Variants in EHBP1 observed in about 807,000 individuals in gnomAD.
The protein encoded by EHBP1 is EH domain-binding protein 1.
In EHBP1, 55 loss-of-function variants were observed where a neutral mutation model predicts 144.0. That is an observed-to-expected ratio of 0.38 (90% CI 0.31 to 0.48). EHBP1 has a LOEUF of 0.48. Among genes scored for constraint, EHBP1 ranks in the 20% least tolerant of loss-of-function variants. The pLI is 0.98. For missense variants in EHBP1, 1,200 were observed against 1,364.2 expected, an observed-to-expected ratio of 0.88 and a Z score of 1.90; for synonymous variants, 469 against 472.7, an observed-to-expected ratio of 0.99 and a Z score of 0.10.
At chr2:62,943,215 A>T (rs2056867502) in intron 11 of EHBP1, among the ~76,000 whole-genome samples, 1 of 152,090 alleles carries the variant, frequency 6.6e-6, no homozygotes, top group Non-Finnish European at 1.5e-5. Context: ...CGTCTCTACT[A>T]AAAATACAAA....
chr2:62,713,236 G>T lies in EHBP1; in HGVS notation c.104+5941G>T, dbSNP rs893105290. 5.3e-5 allele frequency among the ~76,000 whole-genome samples: 8 copies of T among 151,786 alleles called. No individual in the cohort carries two copies. The East Asian group carries it at 1.2e-3, about 22-fold the overall frequency. ...TGGGAGGAGAAACATTTAAGACAGG[G>T]AGTCAGGTGCTAAACTCTTTTTTTT... On this transcript the variant is annotated intron_variant, in intron 2 of 22. Transcript: ENST00000431489.
chr2:62,993,927 G>A lies in EHBP1; in HGVS notation c.2929G>A (p.Ala977Thr), dbSNP rs141717012. 1.3e-6 allele frequency: 2 copies of A among 1,591,392 alleles called. No individual in the cohort carries two copies. Among genetic ancestry groups the A allele is most frequent in the South Asian group, 1.1e-5 (1 of 87,452 alleles). ...EDTKKGNEEK[A>T]AITETQRKPS... ...TACAAAGAAAGGAAATGAGGAGAAG[G>A]CAGCGATAACTGAAACTCAGAGGAA... The change falls in exon 18 of 23, where the codon GCA (alanine) becomes ACA (threonine). Residue 977 changes from alanine (A) to threonine (T), a missense_variant. Physicochemically the swap from Ala to Thr is moderately conservative, Grantham distance 58. Coordinates refer to ENST00000431489, the MANE Select transcript of EHBP1 (RefSeq NM_001142616.3).
intron 7 of EHBP1, among the ~76,000 whole-genome samples, chr2:62,850,353 C>T (rs2048602164): frequency 6.6e-6 from 1 of 152,208 alleles, no homozygotes; most frequent in Non-Finnish European, 1.5e-5. Flanking sequence ...GCCACCTACT[C>T]GTCACTTGTC....
At chr2:62,864,451 G>A (rs919970243) in intron 8 of EHBP1, among the ~76,000 whole-genome samples, 1 of 152,132 alleles carries the variant, frequency 6.6e-6, no homozygotes, top group Non-Finnish European at 1.5e-5. Context: ...AATACTGTTA[G>A]ATACTGCAGA....
intron 1 of EHBP1, among the ~76,000 whole-genome samples, chr2:62,682,657 G>A (rs1274672732): frequency 6.6e-6 from 1 of 152,178 alleles, no homozygotes; most frequent in Non-Finnish European, 1.5e-5. Context: ...CAGACAGATG[G>A]TACCAGCACA....
At chr2:62,687,170 A>G (rs1572865326) in intron 1 of EHBP1, among the ~76,000 whole-genome samples, 1 of 152,326 alleles carries the variant, frequency 6.6e-6, no homozygotes, top group East Asian at 1.9e-4. Flanking sequence ...TGAATTAAAT[A>G]TTCTCTAAGA....
intron 10 of EHBP1, among the ~76,000 whole-genome samples, chr2:62,935,881 A>G (rs1326588149): frequency 6.6e-6 from 1 of 152,192 alleles, no homozygotes; most frequent in Non-Finnish European, 1.5e-5. Context: ...GCTCTTCTGC[A>G]TCTGTTTAGA....
Position 62,953,072 on chromosome 2 carries a change from G to T in EHBP1, c.2317-2445G>T, listed in dbSNP as rs1446522466. 3.3e-5 allele frequency among the ~76,000 whole-genome samples: 5 copies of T among 151,950 alleles called. No individual in the cohort carries two copies. The East Asian group carries it at 9.7e-4, about 30-fold the overall frequency. ...TGTCTCTACTAAAAATATGAAATTAGCCAGGGTGGTGGCACATGCCTGTAA... is the reference window on the plus strand; with the variant it reads ...TGTCTCTACTAAAAATATGAAATTATCCAGGGTGGTGGCACATGCCTGTAA... On this transcript the variant is annotated intron_variant, in intron 13 of 22. Transcript: ENST00000431489.
chr2:62,940,207 T>A, intron 10 of EHBP1: 1 of 326,684 alleles, frequency 3.1e-6, no homozygotes, highest in South Asian at 3.2e-5. Flanking sequence ...ACTTGCACAG[T>A]CCTTCTGAGA....
At chr2:62,733,891 A>G (rs954065143) in intron 2 of EHBP1, among the ~76,000 whole-genome samples, 1 of 152,132 alleles carries the variant, frequency 6.6e-6, no homozygotes, top group Admixed American at 6.5e-5. Context: ...GGTACTGTGG[A>G]GCATACTGGT....
At chr2:63,022,164 G>A (rs2060782128) in intron 19 of EHBP1, among the ~76,000 whole-genome samples, 2 of 152,146 alleles carry the variant, frequency 1.3e-5, no homozygotes, top group Admixed American at 1.3e-4. Context: ...AGACAGAGCT[G>A]TCCAACTGAA....
chr2:62,924,671 G>A (rs567878686), intron 10 of EHBP1, among the ~76,000 whole-genome samples: 20 of 152,126 alleles, frequency 1.3e-4, no homozygotes, highest in East Asian at 3.9e-4. Flanking sequence ...AGAAAACCTT[G>A]AATAGACCAA....
chr2:62,965,714 T>C lies in EHBP1; in HGVS notation c.2460+10054T>C, dbSNP rs1480229400. Among the ~76,000 whole-genome samples, 9 of 152,296 alleles carry C rather than the reference T, an allele frequency of 5.9e-5. No individual in the cohort carries two copies. In the East Asian group the frequency reaches 9.6e-4, roughly 16 times the overall value. Reference sequence around the variant, plus strand: ...GTTCATGAATTGACTTGAACAAAGATCAAAGTGTTTCTCCAAACCAAGAAT... The same window carrying C: ...GTTCATGAATTGACTTGAACAAAGACCAAAGTGTTTCTCCAAACCAAGAAT... On this transcript the variant is annotated intron_variant, in intron 14 of 22. Transcript: ENST00000431489.
chr2:62,964,201 C>T (rs1195875285), intron 14 of EHBP1, among the ~76,000 whole-genome samples: 1 of 151,976 alleles, frequency 6.6e-6, no homozygotes, highest in Non-Finnish European at 1.5e-5. Context: ...GAAAAAAAAA[C>T]CTCAAGCATC....
intron 5 of EHBP1, among the ~76,000 whole-genome samples, chr2:62,816,661 G>A (rs2045471844): frequency 6.6e-6 from 1 of 152,190 alleles, no homozygotes; most frequent in African/African-American, 2.4e-5. Flanking sequence ...CTTCAGTTAG[G>A]GGATAATCTG....
intron 13 of EHBP1, among the ~76,000 whole-genome samples, chr2:62,951,469 C>T (rs1209030157): frequency 6.9e-6 from 1 of 143,928 alleles, no homozygotes; most frequent in African/African-American, 2.6e-5. Flanking sequence ...TAGTGATTGA[C>T]AATTTCAAGA....
At chr2:63,013,908 A>G (rs887578474) in intron 19 of EHBP1, among the ~76,000 whole-genome samples, 1 of 152,232 alleles carries the variant, frequency 6.6e-6, no homozygotes, top group Admixed American at 6.5e-5. Context: ...TCCACTCCAT[A>G]ATATCAATGA....
At chr2:62,845,511 A>G (rs1034423182) in intron 7 of EHBP1, among the ~76,000 whole-genome samples, 7 of 152,126 alleles carry the variant, frequency 4.6e-5, no homozygotes, top group Admixed American at 6.5e-5. Flanking sequence ...ATTAAATTCT[A>G]CTTACTAGGG....
intron 14 of EHBP1, among the ~76,000 whole-genome samples, chr2:62,968,609 A>G (rs574736405): frequency 6.6e-6 from 1 of 152,322 alleles, no homozygotes; most frequent in East Asian, 1.9e-4. Flanking sequence ...AGTTTTGCAG[A>G]ACACTTTAAC....
Sources: gnomAD v4.1 joint callset for allele counts (sites outside exome capture counted in the v4.1 genomes callset) on GRCh38, gnomAD v4.1.1 for gene constraint, MANE v1.5 for transcripts, NCBI Gene and HGNC (gene_info 2026-07-23, HGNC 2026-07-21) for gene names.